Variants in EPHA7 observed in about 807,000 individuals in gnomAD.
EPHA7 encodes EPH receptor A7.
EPHA7 carries 25 observed loss-of-function variants against 112.6 expected under a neutral mutation model. The ratio of observed to expected loss-of-function variants is 0.22; its 90% CI spans 0.16 to 0.31. The LOEUF (loss-of-function observed/expected upper bound fraction) is 0.31, where lower values mean the gene tolerates loss of function less well. EPHA7 is among the 10% of genes least tolerant of loss of function. EPHA7 has a pLI of 1.00. For synonymous variants in EPHA7, 437 were observed against 406.5 expected (o/e 1.07, Z -0.90); for missense variants, 962 against 1,212.6 (o/e 0.79, Z 3.07).
intron 3 of EPHA7, among the ~76,000 whole-genome samples, chr6:93,392,356 C>T (rs1438055188): frequency 6.6e-6 from 1 of 151,864 alleles, no homozygotes; most frequent in Non-Finnish European, 1.5e-5. Context: ...GTCCTGACTG[C>T]TTTCGCCTGG....
chr6:93,359,874 G>GAGAGAGAGAGAT (rs1462833873), intron 3 of EPHA7, among the ~76,000 whole-genome samples: 1,848 of 127,770 alleles, frequency 0.014, 18 homozygotes, highest in Admixed American at 0.025. Flanking sequence ...GAGAGAGAGA[G>GAGAGAGAGAGAT]AGATAGATAG....
rs188175934 is a variant in EPHA7 at position 93,388,702 on chromosome 6, A to C, written c.832+21799T>G. 3.2e-4 allele frequency among the ~76,000 whole-genome samples: 49 copies of C among 152,226 alleles called. No homozygotes were observed. In the East Asian group the frequency reaches 8.1e-3, roughly 25 times the overall value. On this transcript the variant is annotated intron_variant, in intron 3 of 16. Coordinates refer to ENST00000369303, the MANE Select transcript of EPHA7 (RefSeq NM_004440.4). ...AAGCTTAGAAGAACCTTCTGTAAAG[A>C]GATAACAATCCAGGCAGAAAATTAC...
chr6:93,292,276 T>C (rs2127838074), intron 5 of EPHA7, among the ~76,000 whole-genome samples: 1 of 152,296 alleles, frequency 6.6e-6, no homozygotes, highest in Non-Finnish European at 1.5e-5. Flanking sequence ...TTATTTTGCA[T>C]ATCAATAGGG....
At chr6:93,402,568 G>A (rs1778484210) in intron 3 of EPHA7, among the ~76,000 whole-genome samples, 1 of 151,932 alleles carries the variant, frequency 6.6e-6, no homozygotes, top group African/African-American at 2.4e-5. Flanking sequence ...ATAATTTAAT[G>A]AAGGACATAA....
chr6:93,419,161 G>T (rs1010446904), intron 1 of EPHA7, 84 bp downstream of exon 1: 6 of 1,151,318 alleles, frequency 5.2e-6, no homozygotes, highest in African/African-American at 1.6e-5. Flanking sequence ...AGGCGCGGCC[G>T]GCAGCGCCGC....
At chr6:93,297,781 T>G (rs1482399900) in intron 5 of EPHA7, among the ~76,000 whole-genome samples, 1 of 152,172 alleles carries the variant, frequency 6.6e-6, no homozygotes, top group Non-Finnish European at 1.5e-5. Flanking sequence ...TCTCCAAGTC[T>G]GCACCAAGAC....
intron 5 of EPHA7, among the ~76,000 whole-genome samples, chr6:93,314,910 T>G (rs1773723504): frequency 7.1e-6 from 1 of 141,672 alleles, no homozygotes; most frequent in African/African-American, 2.6e-5. Context: ...TCGCCCAGGC[T>G]GGAGTGCAGT....
At chr6:93,359,390 C>T (rs960184642) in intron 3 of EPHA7, among the ~76,000 whole-genome samples, 1 of 149,700 alleles carries the variant, frequency 6.7e-6, no homozygotes, top group Non-Finnish European at 1.5e-5. Flanking sequence ...ATATTGAAGA[C>T]ATTCAATCTA....
chr6:93,275,124 A>G (rs1771409151), intron 5 of EPHA7, among the ~76,000 whole-genome samples: 1 of 151,944 alleles, frequency 6.6e-6, no homozygotes. Flanking sequence ...ATACAAATGA[A>G]TTATACAAAT....
chr6:93,394,978 T>C, intron 3 of EPHA7, among the ~76,000 whole-genome samples: 1 of 151,922 alleles, frequency 6.6e-6, no homozygotes, highest in African/African-American at 2.4e-5. Flanking sequence ...ATATTTTTTA[T>C]GTACAGCATT....
intron 5 of EPHA7, among the ~76,000 whole-genome samples, chr6:93,339,217 T>C (rs1040812435): frequency 6.6e-6 from 1 of 151,714 alleles, no homozygotes; most frequent in Non-Finnish European, 1.5e-5. Context: ...AACTCATTAA[T>C]TGGTAAAATT....
rs1771141626 is a variant in EPHA7 at position 93,270,134 on chromosome 6, C to T, written c.1450-474G>A. Among the ~76,000 whole-genome samples the T allele has an allele frequency of 2.6e-5, 4 of 151,548 alleles. No individual in the cohort carries two copies. In the South Asian group the frequency reaches 8.3e-4, roughly 31 times the overall value. On this transcript the variant is annotated intron_variant, in intron 6 of 16. Coordinates refer to ENST00000369303, the MANE Select transcript of EPHA7 (RefSeq NM_004440.4). ...TCAGATAACACTACTACTATACTGACATACCAATTTTTTTAAAACAACCCT... is the reference window on the plus strand; with the variant it reads ...TCAGATAACACTACTACTATACTGATATACCAATTTTTTTAAAACAACCCT...
At chr6:93,283,551 A>C (rs1364335328) in intron 5 of EPHA7, among the ~76,000 whole-genome samples, 1 of 152,098 alleles carries the variant, frequency 6.6e-6, no homozygotes, top group Non-Finnish European at 1.5e-5. Context: ...AGCCAGCAAG[A>C]CCACGAACCC....
At chr6:93,267,091 ATGTT>A (rs1220388709) in intron 7 of EPHA7, among the ~76,000 whole-genome samples, 7 of 151,922 alleles carry the variant, frequency 4.6e-5, no homozygotes, top group African/African-American at 1.4e-4. Flanking sequence ...GGCTAATAAA[ATGTT>A]TGTGTGTTCT....
chr6:93,299,901 CT>C (rs900647193), intron 5 of EPHA7, among the ~76,000 whole-genome samples: 25 of 152,234 alleles, frequency 1.6e-4, no homozygotes, highest in African/African-American at 6.0e-4. Flanking sequence ...CATGTTCTCA[CT>C]TGTAAGTGGG....
intron 5 of EPHA7, among the ~76,000 whole-genome samples, chr6:93,318,766 G>A (rs1475280128): frequency 6.6e-6 from 1 of 151,972 alleles, no homozygotes; most frequent in South Asian, 2.1e-4. Context: ...GCAATCATTT[G>A]TCAGCTTTTC....
rs1175135217 is a variant in EPHA7 at position 93,411,123 on chromosome 6, T to C, written c.210A>G (p.Thr70=). 1.9e-6 allele frequency: 3 copies of C among 1,613,706 alleles called. No individual in the cohort carries two copies. The highest frequency in any genetic ancestry group is 3.3e-5 in the Admixed American group (2 of 59,982). The stretch of plus-strand genomic sequence containing the variant: ...GCTCCATGACTTGGCACACCTGGTA[T>C]GTTCGTATCGGGGTATAGTTCTCAT... ...GLDENYTPIR[T]YQVCQVMEPN... The change falls in exon 3 of 17, where the codon ACA becomes ACG. Residue 70 remains threonine, a synonymous_variant. Coordinates refer to ENST00000369303, the MANE Select transcript of EPHA7 (RefSeq NM_004440.4).
intron 1 of EPHA7, 121 bp downstream of exon 1, chr6:93,419,124 C>T (rs139396597): frequency 4.2e-6 from 3 of 712,646 alleles, no homozygotes; most frequent in Middle Eastern, 4.2e-4. Flanking sequence ...GGCGGGGAGC[C>T]GGCGGGGGAG....
Position 93,419,531 on chromosome 6 carries a change from T to TGCTGCCTGCAAGTC in EPHA7, c.-204_-191dup. 1 of 526,438 alleles carries TGCTGCCTGCAAGTC rather than the reference T, an allele frequency of 1.9e-6. No individual in the cohort carries two copies. The highest frequency in any genetic ancestry group is 2.5e-5 in the South Asian group (1 of 40,480). The allele number at this position is 526,438 out of a possible 1,614,324, so 32.6% of individuals were successfully genotyped here. A position where few individuals can be genotyped will look rare whatever the true frequency, so the allele number is the denominator to read the frequency against. ...CACTCCTGTTCGCTCGCACCGTGTT[T>TGCTGCCTGCAAGTC]GCTGCCTGCAAGTCTCCGACTGCAG... On this transcript the variant is annotated 5_prime_UTR_variant, in exon 1 of 17. Transcript: ENST00000369303.
Sources: gnomAD v4.1 joint callset for allele counts (sites outside exome capture counted in the v4.1 genomes callset) on GRCh38, gnomAD v4.1.1 for gene constraint, MANE v1.5 for transcripts, NCBI Gene and HGNC (gene_info 2026-07-23, HGNC 2026-07-21) for gene names.